The following DDX50 variants were observed in gnomAD, a reference collection of about 807,000 sequenced individuals.
DDX50 encodes DExD-box helicase 50, also known as ATP-dependent RNA helicase DDX50.
In DDX50, 56 loss-of-function variants were observed where a neutral mutation model predicts 94.8. The ratio of observed to expected loss-of-function variants is 0.59; its 90% CI spans 0.48 to 0.74. The LOEUF (loss-of-function observed/expected upper bound fraction) is 0.74. Among genes scored for constraint, DDX50 ranks in the 30% least tolerant of loss-of-function variants. The pLI is 0.00. For missense variants in DDX50, 713 were observed against 881.2 expected (o/e 0.81, Z 2.42); for synonymous variants, 264 against 295.4 (o/e 0.89, Z 1.09).
Position 68,934,949 on chromosome 10 carries a change from T to C in DDX50, c.1521+31T>C, listed in dbSNP as rs771386125. 6.2e-7 allele frequency: 1 copy of C among 1,603,242 alleles called. No homozygotes were observed. Among genetic ancestry groups the C allele is most frequent in the South Asian group, 1.1e-5 (1 of 89,186 alleles). ...TAGAGTTAAATTATTTCAGGCTTATTGTCTAAATGGTGCCTTAAAAGAGAG... is the reference window on the plus strand; with the variant it reads ...TAGAGTTAAATTATTTCAGGCTTATCGTCTAAATGGTGCCTTAAAAGAGAG... On this transcript the variant is annotated intron_variant, in intron 10 of 14. Transcript: ENST00000373585. This position sits in a 1 kb window ranked among gnomAD's most constrained non-coding sequence, Gnocchi z 4.0.
chr10:68,913,981 AAGC>A (rs1366934678), intron 6 of DDX50, 75 bp from the exon 7 acceptor site: 2 of 1,296,948 alleles, frequency 1.5e-6, no homozygotes, highest in Non-Finnish European at 2.1e-6. Context: ...TATTTTTTTG[AAGC>A]TTGGGAGGAT....
chr10:68,916,905 C>T (rs887403151), intron 7 of DDX50, among the ~76,000 whole-genome samples: 4 of 152,124 alleles, frequency 2.6e-5, no homozygotes, highest in Admixed American at 1.3e-4. Flanking sequence ...AGGCTGGTTT[C>T]GAAATCATGA....
At chr10:68,943,175 C>T (rs541987885) in intron 13 of DDX50, 38 bp from the exon 14 acceptor site, 3 of 1,590,834 alleles carry the variant, frequency 1.9e-6, no homozygotes, top group Non-Finnish European at 1.7e-6. Flanking sequence ...TACACATATG[C>T]ATCTAATTTA....
At chr10:68,903,260 G>C (rs1411087115) in intron 1 of DDX50, among the ~76,000 whole-genome samples, 1 of 152,012 alleles carries the variant, frequency 6.6e-6, no homozygotes, top group African/African-American at 2.4e-5. Context: ...AGCCGGGTGC[G>C]GTGGCTCATG....
chr10:68,943,712 G>A (rs773845170), intron 14 of DDX50, among the ~76,000 whole-genome samples: 6 of 152,086 alleles, frequency 3.9e-5, no homozygotes, highest in South Asian at 2.1e-4. Flanking sequence ...GATTACAGGC[G>A]TGAGCCACCG....
intron 14 of DDX50, among the ~76,000 whole-genome samples, chr10:68,944,243 T>C (rs1219977602): frequency 6.6e-6 from 1 of 152,198 alleles, no homozygotes; most frequent in African/African-American, 2.4e-5. Context: ...TAGATTGTAA[T>C]TTGATGTTTC....
rs56820953 is a variant in DDX50, at chr10:68,923,937, C to CTTT, written c.1239+3984_1239+3986dup. On this transcript the variant is annotated intron_variant, in intron 8 of 14. Coordinates refer to ENST00000373585, the MANE Select transcript of DDX50 (RefSeq NM_024045.2). The stretch of plus-strand genomic sequence containing the variant: ...TCACTTTATTTGAGGAGATAGTCTG[C>CTTT]TTTTTTTTTTTTTTTTTTTTTTTTT... Among the ~76,000 whole-genome samples the CTTT allele has an allele frequency of 1.4e-4, 6 of 42,444 alleles. 1 individual carries two copies. Among genetic ancestry groups the CTTT allele is most frequent in the African/African-American group, 2.1e-4 (2 of 9,596 alleles). 27.8% of individuals were successfully genotyped at this position (42,444 alleles called of 152,430 possible). A position where few individuals can be genotyped will look rare whatever the true frequency, so the allele number is the denominator to read the frequency against.
In DDX50 at chr10:68,934,906, G is replaced by T; in HGVS notation, c.1509G>T (p.Val503=). 6.2e-7 allele frequency: 1 copy of T among 1,611,006 alleles called. No individual in the cohort carries two copies. The highest frequency in any genetic ancestry group is 8.5e-7 in the Non-Finnish European group (1 of 1,178,798). ...GAGAAAGAGGTCAACTAAGATATGT[G>T]GAACAAAAAGCAGTAAGTAGAGTTA... The part of the protein sequence containing the change: ...QPRERGQLRY[V]EQKAGITFKR... The change falls in exon 10 of 15, where the codon GTG becomes GTT. Residue 503 remains valine, a synonymous_variant. Coordinates refer to ENST00000373585, the MANE Select transcript of DDX50 (RefSeq NM_024045.2). The surrounding 1 kb of genome is among the most constrained non-coding windows in gnomAD (Gnocchi z 4.0).
chr10:68,922,302 G>A (rs1340599581), intron 8 of DDX50, among the ~76,000 whole-genome samples: 2 of 152,066 alleles, frequency 1.3e-5, no homozygotes, highest in African/African-American at 4.8e-5. Context: ...AGCTGGGACT[G>A]TAGGCATGCA....
chr10:68,914,545 C>T (rs1038710128), intron 7 of DDX50, among the ~76,000 whole-genome samples: 1 of 151,938 alleles, frequency 6.6e-6, no homozygotes, highest in Non-Finnish European at 1.5e-5. Context: ...TTTATATTGA[C>T]TAGAAAAGAA....
Position 68,934,187 on chromosome 10 carries a change from T to G in DDX50, c.1240-12T>G. 6.2e-7 allele frequency: 1 copy of G among 1,608,016 alleles called. No individual in the cohort carries two copies. The highest frequency in any genetic ancestry group is 8.5e-7 in the Non-Finnish European group (1 of 1,177,874). ...AGCTGTACACTTAATTTTCTCCCCC[T>G]TTCTCAAATAGAATGCCCAGTGTTT... On this transcript the variant is annotated splice_polypyrimidine_tract_variant and intron_variant, in intron 8 of 14. Coordinates refer to ENST00000373585, the MANE Select transcript of DDX50 (RefSeq NM_024045.2). The surrounding 1 kb of genome is among the most constrained non-coding windows in gnomAD (Gnocchi z 4.0).
chr10:68,936,125 C>G, intron 11 of DDX50, 46 bp downstream of exon 11: 1 of 1,480,476 alleles, frequency 6.8e-7, no homozygotes, highest in Non-Finnish European at 9.2e-7. Context: ...TTGTATTAGG[C>G]TATTCATCTG....
chr10:68,927,136 T>C (rs1842114579), intron 8 of DDX50, among the ~76,000 whole-genome samples: 4 of 152,040 alleles, frequency 2.6e-5, no homozygotes, highest in Admixed American at 2.6e-4. Context: ...GGTCTCGAAC[T>C]CTTAGCCTCA....
intron 8 of DDX50, among the ~76,000 whole-genome samples, chr10:68,929,466 C>T (rs905845667): frequency 6.7e-6 from 1 of 149,608 alleles, no homozygotes; most frequent in Non-Finnish European, 1.5e-5. Context: ...ACTCTTGTTG[C>T]CCAGGCTGGA....
At chr10:68,925,095 GTTTTTTTTT>G (rs1239190321) in intron 8 of DDX50, among the ~76,000 whole-genome samples, 2 of 28,564 alleles carry the variant, frequency 7.0e-5, no homozygotes, top group African/African-American at 2.3e-4. Flanking sequence ...CCTGCTCATG[GTTTTTTTTT>G]TTTTTTTTTT....
intron 14 of DDX50, among the ~76,000 whole-genome samples, chr10:68,946,122 T>C (rs1369163549): frequency 2.0e-5 from 3 of 152,148 alleles, no homozygotes; most frequent in Admixed American, 1.3e-4. Context: ...GTACATGTAA[T>C]TAGTAATACA....
intron 8 of DDX50, among the ~76,000 whole-genome samples, chr10:68,921,822 A>C (rs182886096): frequency 1.3e-5 from 2 of 152,178 alleles, no homozygotes; most frequent in Admixed American, 6.5e-5. Flanking sequence ...TGTTTTTGGA[A>C]TAAAGCATCG....
chr10:68,910,258 A>T, intron 2 of DDX50, 49 bp from the exon 3 acceptor site: 1 of 1,395,104 alleles, frequency 7.2e-7, no homozygotes, highest in Non-Finnish European at 9.9e-7. Context: ...ACAGTAAATG[A>T]GGAAGAGTTG....
chr10:68,941,014 T>G, intron 12 of DDX50, 46 bp from the exon 13 acceptor site: 2 of 1,583,196 alleles, frequency 1.3e-6, no homozygotes, highest in Non-Finnish European at 1.7e-6. Flanking sequence ...TTCATTGTAC[T>G]GCTGCTGATT....
Sources: gnomAD v4.1 joint callset for allele counts (sites outside exome capture counted in the v4.1 genomes callset) on GRCh38, gnomAD v4.1.1 for gene constraint, Gnocchi (gnomAD v3.1) non-coding constraint, MANE v1.5 for transcripts, NCBI Gene and HGNC (gene_info 2026-07-23, HGNC 2026-07-21) for gene names.